ADCY7: variants seen among roughly 807,000 people sequenced by gnomAD.
The protein encoded by ADCY7 is adenylate cyclase type 7.
A neutral mutation model predicts 120.6 loss-of-function variants in ADCY7; 72 were observed. The observed-to-expected ratio is 0.60, with a 90% CI of 0.49 to 0.73. The LOEUF is 0.73. Ranked by LOEUF, ADCY7 falls within the 30% of genes least tolerant of loss-of-function variation. The pLI, the probability that ADCY7 is intolerant of heterozygous loss-of-function variation, is 0.00. For missense variants in ADCY7, 1,227 were observed against 1,486.0 expected (o/e 0.83, Z 2.87); for synonymous variants, 661 against 628.0 (o/e 1.05, Z -0.78).
intron 1 of ADCY7, among the ~76,000 whole-genome samples, chr16:50,272,706 C>T (rs1450584529): frequency 6.6e-6 from 1 of 152,138 alleles, no homozygotes. Context: ...GGGTCTCCCT[C>T]CTCCTGGGCA....
chr16:50,259,397 T>C (rs1407095830), intron 1 of ADCY7, among the ~76,000 whole-genome samples: 1 of 152,234 alleles, frequency 6.6e-6, no homozygotes, highest in East Asian at 1.9e-4. Flanking sequence ...ACAGGCGGCC[T>C]CTGGTGCGGC....
chr16:50,267,489 G>T (rs2033293574), intron 1 of ADCY7, among the ~76,000 whole-genome samples: 1 of 152,238 alleles, frequency 6.6e-6, no homozygotes, highest in South Asian at 2.1e-4. Context: ...TACGACAGGG[G>T]CCCTGGGTCC....
At chr16:50,257,546 G>A (rs956034254) in intron 1 of ADCY7, among the ~76,000 whole-genome samples, 4 of 151,732 alleles carry the variant, frequency 2.6e-5, no homozygotes, top group African/African-American at 4.8e-5. Flanking sequence ...TATATGTAAC[G>A]TCACCTTGTA....
rs1346639969 is a variant in ADCY7 at position 50,315,902 on chromosome 16, A to AG, written c.*402dup. The AG allele has an allele frequency of 5.4e-6, 1 of 185,810 alleles. No individual in the cohort carries two copies. Among genetic ancestry groups the AG allele is most frequent in the Non-Finnish European group, 1.2e-5 (1 of 86,146 alleles). The allele number at this position is 185,810 out of a possible 1,614,324, so 11.5% of individuals were successfully genotyped here. A position where few individuals can be genotyped will look rare whatever the true frequency, so the allele number is the denominator to read the frequency against. On this transcript the variant is annotated 3_prime_UTR_variant, in exon 26 of 26. Transcript: ENST00000673801. ...GTGAGGTCTGTTTTTCTAGACACCA[A>AG]GGGGGAGTAAGCTGAGCTGTCTAGC...
At chr16:50,303,831 C>G (rs1219744544) in intron 10 of ADCY7, among the ~76,000 whole-genome samples, 4 of 152,130 alleles carry the variant, frequency 2.6e-5, no homozygotes, top group Non-Finnish European at 4.4e-5. Context: ...CTCGGGGCGG[C>G]TAGCACCCCT....
rs987774764 is a variant in ADCY7 at position 50,311,814 on chromosome 16, C to A, written c.2448+28C>A. On this transcript the variant is annotated intron_variant, in intron 20 of 25. Coordinates refer to ENST00000673801, the MANE Select transcript of ADCY7 (RefSeq NM_001114.5). The stretch of plus-strand genomic sequence containing the variant: ...AAGGAGGCTGGCCCCCCCCCCCCCC[C>A]CAAGCTCTGCCCACTTTTCCTCACC... The A allele has an allele frequency of 5.7e-4, 717 of 1,256,056 alleles. 13 individuals carry two copies. Among genetic ancestry groups the A allele is most frequent in the East Asian group, 1.0e-3 (37 of 35,346 alleles). 77.8% of individuals were successfully genotyped at this position (1,256,056 alleles called of 1,614,324 possible).
At chr16:50,284,971 G>C (rs1316345067) in intron 1 of ADCY7, among the ~76,000 whole-genome samples, 1 of 152,208 alleles carries the variant, frequency 6.6e-6, no homozygotes, top group African/African-American at 2.4e-5. Flanking sequence ...GTGCTGAATT[G>C]AATGTATCTC....
chr16:50,251,438 C>G (rs890036713), intron 1 of ADCY7, among the ~76,000 whole-genome samples: 1 of 152,184 alleles, frequency 6.6e-6, no homozygotes, highest in African/African-American at 2.4e-5. Flanking sequence ...GAGGGGCAGG[C>G]CTTGTTTCTC....
rs764864064 is a variant in ADCY7 at position 50,301,073 on chromosome 16, CT to C, written c.1236-8del. ...CCCCAAGGCTCTGCCTGACTTGGGT[CT>C]CCCGTAGCCGGGTGCACATCACGGA... On this transcript the variant is annotated splice_polypyrimidine_tract_variant and splice_region_variant and intron_variant, in intron 9 of 25. Transcript: ENST00000673801. 5.0e-6 allele frequency: 8 copies of C among 1,612,296 alleles called. No homozygotes were observed. Among genetic ancestry groups the C allele is most frequent in the Non-Finnish European group, 5.9e-6 (7 of 1,179,214 alleles).
At chr16:50,298,232 C>A (rs1231808401) in intron 7 of ADCY7, among the ~76,000 whole-genome samples, 1 of 152,088 alleles carries the variant, frequency 6.6e-6, no homozygotes, top group Non-Finnish European at 1.5e-5. Context: ...GACCTCTGTC[C>A]TCACCCCCCA....
chr16:50,294,244 G>A (rs773483591), intron 6 of ADCY7, among the ~76,000 whole-genome samples: 20 of 152,204 alleles, frequency 1.3e-4, no homozygotes, highest in Non-Finnish European at 2.6e-4. Flanking sequence ...TAAAGTGCTG[G>A]GTGTGGAGGT....
intron 12 of ADCY7, 121 bp downstream of exon 12, chr16:50,305,080 T>C (rs915243483): frequency 1.9e-5 from 25 of 1,307,050 alleles, no homozygotes; most frequent in Non-Finnish European, 2.5e-5. Context: ...TCTGTGAAGT[T>C]GGCCAGGGCT....
In ADCY7 at chr16:50,288,010, T is replaced by C; in HGVS notation, c.-170T>C. The C allele has an allele frequency of 1.4e-6, 1 of 702,290 alleles. No individual in the cohort carries two copies. 43.5% of individuals were successfully genotyped at this position (702,290 alleles called of 1,614,324 possible). A position where few individuals can be genotyped will look rare whatever the true frequency, so the allele number is the denominator to read the frequency against. ...CTGGTGCCAGAGCTGTGCGGACCCCTTGTTGGCCATGGAGCAGCAGGCCCA... is the reference window on the plus strand; with the variant it reads ...CTGGTGCCAGAGCTGTGCGGACCCCCTGTTGGCCATGGAGCAGCAGGCCCA... On this transcript the variant is annotated 5_prime_UTR_variant, in exon 2 of 26. Transcript: ENST00000673801.
intron 1 of ADCY7, among the ~76,000 whole-genome samples, chr16:50,278,968 T>C (rs2034084410): frequency 6.6e-6 from 1 of 151,246 alleles, no homozygotes; most frequent in Admixed American, 6.6e-5. Context: ...GCCTCCCGAG[T>C]TCAAGTGATT....
chr16:50,255,283 T>G (rs889247587), intron 1 of ADCY7, among the ~76,000 whole-genome samples: 5 of 148,808 alleles, frequency 3.4e-5, no homozygotes, highest in African/African-American at 1.2e-4. Context: ...GGTGACAGAG[T>G]GAGCCAATTA....
chr16:50,286,887 G>C (rs1373718939), intron 1 of ADCY7, among the ~76,000 whole-genome samples: 1 of 152,222 alleles, frequency 6.6e-6, no homozygotes, highest in Non-Finnish European at 1.5e-5. Flanking sequence ...ATGGATCAGA[G>C]ACCTTTGTGT....
At chr16:50,263,416 G>T (rs2033110292), upstream of ADCY7, among the ~76,000 whole-genome samples, 1 of 152,246 alleles carries the variant, frequency 6.6e-6, no homozygotes, top group African/African-American at 2.4e-5. Flanking sequence ...ATCTTCCAAG[G>T]AGAAAGCTGG....
intron 1 of ADCY7, among the ~76,000 whole-genome samples, chr16:50,270,384 C>T (rs540206503): frequency 7.2e-5 from 11 of 152,192 alleles, no homozygotes; most frequent in East Asian, 3.8e-4. Flanking sequence ...TGCTCTGGTC[C>T]GGCGGCACGG....
chr16:50,312,125 C>T lies in ADCY7; in HGVS notation c.2538C>T (p.Arg846=). 1 of 1,614,252 alleles carries T rather than the reference C, an allele frequency of 6.2e-7. No individual in the cohort carries two copies. Among genetic ancestry groups the T allele is most frequent in the Non-Finnish European group, 8.5e-7 (1 of 1,180,046 alleles). The change falls in exon 21 of 26, where the codon CGC becomes CGT. Residue 846 remains arginine, a synonymous_variant. Transcript: ENST00000673801. The stretch of plus-strand genomic sequence containing the variant: ...TTGAGACCATGGAGAACGTGAACCG[C>T]CTTCTTCTGGAGAACGTCCTGCCAG... ...EEFETMENVN[R]LLLENVLPAH... is the part of the protein sequence containing the mutation.
Sources: allele counts gnomAD v4.1 joint callset (sites outside exome capture counted in the v4.1 genomes callset), GRCh38; gene constraint gnomAD v4.1.1; transcripts MANE v1.5; gene names NCBI Gene and HGNC (gene_info 2026-07-23, HGNC 2026-07-21).